SLC71A2: variants seen among roughly 807,000 people sequenced by gnomAD.
SLC71A2 encodes the protein solute carrier family 71 member 2, also known as hippocampus abundant transcript-like 1.
At chr9:94,443,766 A>G in the SLC71A2 span, among the ~76,000 whole-genome samples, 1 of 152,192 alleles carries the variant, frequency 6.6e-6, no homozygotes, top group Non-Finnish European at 1.5e-5. Context: ...GAGTGTAGGA[A>G]TGTTCCCATA....
chr9:94,395,138 TC>T, the SLC71A2 span, among the ~76,000 whole-genome samples: 1 of 141,896 alleles, frequency 7.0e-6, no homozygotes. Flanking sequence ...GGTCTTGAAT[TC>T]CTGACCTCAA....
At chr9:94,458,373 G>C in the SLC71A2 span, 1 of 1,613,872 alleles carries the variant, frequency 6.2e-7, no homozygotes, top group Non-Finnish European at 8.5e-7. Context: ...AATGGCCTGG[G>C]GCCAGCACTG....
the SLC71A2 span, among the ~76,000 whole-genome samples, chr9:94,436,588 C>T: frequency 6.6e-6 from 1 of 152,022 alleles, no homozygotes; most frequent in Admixed American, 6.6e-5. Flanking sequence ...TTAAACTTTC[C>T]CCTCCTTCAC....
chr9:94,454,372 T>C, the SLC71A2 span, among the ~76,000 whole-genome samples: 6 of 152,122 alleles, frequency 3.9e-5, no homozygotes, highest in Non-Finnish European at 7.4e-5. Context: ...ATGCCAATTT[T>C]TTTTTCTTTC....
At chr9:94,385,826 G>T in the SLC71A2 span, among the ~76,000 whole-genome samples, 1 of 151,930 alleles carries the variant, frequency 6.6e-6, no homozygotes, top group South Asian at 2.1e-4. Flanking sequence ...GCTGTTTGGT[G>T]TTCTTTGCAA....
At chr9:94,397,965 CTA>C in the SLC71A2 span, among the ~76,000 whole-genome samples, 1 of 152,136 alleles carries the variant, frequency 6.6e-6, no homozygotes, top group Non-Finnish European at 1.5e-5. Context: ...AAGGAAGTCA[CTA>C]TGTGCAGCCC....
the SLC71A2 span, among the ~76,000 whole-genome samples, chr9:94,452,970 T>C: frequency 6.6e-6 from 1 of 151,776 alleles, no homozygotes; most frequent in Non-Finnish European, 1.5e-5. Flanking sequence ...GTAACCTCTC[T>C]CAAGGAGAAA....
At chr9:94,413,713 A>G in the SLC71A2 span, among the ~76,000 whole-genome samples, 1 of 151,010 alleles carries the variant, frequency 6.6e-6, no homozygotes, top group African/African-American at 2.4e-5. Context: ...TTAATGGCTT[A>G]AAACAACAAC....
At chr9:94,443,299 A>G in the SLC71A2 span, among the ~76,000 whole-genome samples, 1 of 152,300 alleles carries the variant, frequency 6.6e-6, no homozygotes, top group East Asian at 1.9e-4. Context: ...AGCCAGCAGA[A>G]GCAACTCAGC....
At chr9:94,420,208 C>T in the SLC71A2 span, among the ~76,000 whole-genome samples, 1 of 152,148 alleles carries the variant, frequency 6.6e-6, no homozygotes. Flanking sequence ...TTGTGGCTGT[C>T]TCACCTCCTA....
the SLC71A2 span, among the ~76,000 whole-genome samples, chr9:94,439,233 C>G: frequency 4.6e-5 from 7 of 152,006 alleles, no homozygotes; most frequent in Non-Finnish European, 1.0e-4. Context: ...TTCCCTTGAA[C>G]TGACTCCTGG....
chr9:94,422,839 T>C, the SLC71A2 span, among the ~76,000 whole-genome samples: 1 of 152,200 alleles, frequency 6.6e-6, no homozygotes, highest in Non-Finnish European at 1.5e-5. Context: ...CTTTATATAT[T>C]CTAGGTACAA....
the SLC71A2 span, among the ~76,000 whole-genome samples, chr9:94,414,897 A>G: frequency 6.6e-6 from 1 of 151,992 alleles, no homozygotes; most frequent in Non-Finnish European, 1.5e-5. Context: ...TGACCTTGTG[A>G]TCTGCCCGCC....
chr9:94,416,943 T>G, the SLC71A2 span, among the ~76,000 whole-genome samples: 5 of 152,168 alleles, frequency 3.3e-5, no homozygotes, highest in Non-Finnish European at 7.4e-5. Context: ...CCTTAATCCT[T>G]TTTTTCTTAT....
the SLC71A2 span, among the ~76,000 whole-genome samples, chr9:94,416,103 G>A: frequency 6.6e-6 from 1 of 152,186 alleles, no homozygotes; most frequent in Non-Finnish European, 1.5e-5. Flanking sequence ...AAGGAAGAGA[G>A]ATGCCAAAGA....
chr9:94,428,321 T>C, the SLC71A2 span, among the ~76,000 whole-genome samples: 1 of 147,904 alleles, frequency 6.8e-6, no homozygotes, highest in East Asian at 1.9e-4. Context: ...ATAACTTTGG[T>C]ATTTCACTTG....
At chr9:94,453,877 G>T in the SLC71A2 span, 2 of 935,276 alleles carry the variant, frequency 2.1e-6, no homozygotes. Flanking sequence ...GGTCATCAGG[G>T]AAGGGTCTTC....
At chr9:94,451,537 ATT>A in the SLC71A2 span, 1 of 1,451,724 alleles carries the variant, frequency 6.9e-7, no homozygotes, top group Non-Finnish European at 9.4e-7. Context: ...GGTGAGTATC[ATT>A]TTATCTATAC....
the SLC71A2 span, chr9:94,432,696 C>G: frequency 3.3e-5 from 10 of 300,764 alleles, no homozygotes; most frequent in South Asian, 2.3e-4. Context: ...GTAGTACTTT[C>G]CAGGACACAG....
Sources: allele counts gnomAD v4.1 joint callset (sites outside exome capture counted in the v4.1 genomes callset), GRCh38; gene constraint gnomAD v4.1.1; transcripts MANE v1.5; gene names NCBI Gene and HGNC (gene_info 2026-07-23, HGNC 2026-07-21).